HECTD4: variants seen among roughly 807,000 people sequenced by gnomAD.
HECTD4 encodes the protein probable E3 ubiquitin-protein ligase HECTD4.
HECTD4 carries 114 observed loss-of-function variants against 471.5 expected under a neutral mutation model. That is an observed-to-expected ratio of 0.24 (90% confidence interval 0.21 to 0.28). The LOEUF is 0.28. Ranked by LOEUF, HECTD4 falls within the 10% of genes least tolerant of loss-of-function variation. HECTD4 has a pLI of 1.00. For missense variants in HECTD4, 3,866 were observed against 5,651.5 expected (o/e 0.68, Z 10.13); for synonymous variants, 2,012 against 2,256.0 (o/e 0.89, Z 3.07).
At chr12:112,170,630 AT>A (rs1484065024) in intron 68 of HECTD4, 178 bp from the exon 69 acceptor site, 1 of 684,990 alleles carries the variant, frequency 1.5e-6, no homozygotes, top group African/African-American at 1.8e-5. Flanking sequence ...ACCCTTTGTC[AT>A]TCCCAGGAGA....
At chr12:112,354,449 T>A (rs576168271) in intron 1 of HECTD4, among the ~76,000 whole-genome samples, 1 of 152,292 alleles carries the variant, frequency 6.6e-6, no homozygotes, top group South Asian at 2.1e-4. Flanking sequence ...TTATTCATAA[T>A]GCTTCTATTA....
chr12:112,334,532 C>A (rs905262951), intron 1 of HECTD4, among the ~76,000 whole-genome samples: 13 of 151,228 alleles, frequency 8.6e-5, no homozygotes, highest in Non-Finnish European at 1.8e-4. Flanking sequence ...CGGTGGCTCA[C>A]GCCTGTAATC....
intron 52 of HECTD4, among the ~76,000 whole-genome samples, chr12:112,205,605 T>G (rs183398950): frequency 6.6e-6 from 1 of 152,084 alleles, no homozygotes; most frequent in Non-Finnish European, 1.5e-5. Flanking sequence ...TTTTCTTTTT[T>G]TTTTGAGACA....
Position 112,207,927 on chromosome 12 carries a change from T to C in HECTD4, c.8078A>G (p.Asn2693Ser). The change falls in exon 52 of 76, where the codon AAT becomes AGT. Residue 2693 changes from asparagine to serine, a missense_variant. By Grantham distance (46) the Asn-to-Ser change is conservative. This residue lies in a region of HECTD4 where 266 missense variants were observed against 441.6 expected (regional missense o/e 0.60). Transcript: ENST00000682272. Reference protein sequence around the residue: ...VFPTIRRRFRNEAERKSGLDQ... With the variant: ...VFPTIRRRFRSEAERKSGLDQ... ...CAGGCCCGATTTCCGCTCTGCTTCA[T>C]TGCGGAAGCGTCTTCGGATGGTAGG... 2 of 1,613,966 alleles carry C rather than the reference T, an allele frequency of 1.2e-6. No individual in the cohort carries two copies. The highest frequency in any genetic ancestry group is 1.1e-5 in the South Asian group (1 of 91,068).
At chr12:112,183,452 T>C (rs555281205) in intron 61 of HECTD4, among the ~76,000 whole-genome samples, 186 bp from the exon 62 acceptor site, 83 of 152,314 alleles carry the variant, frequency 5.4e-4, no homozygotes, top group Non-Finnish European at 1.0e-3. Context: ...CAGTGACTTT[T>C]AGCAAATGAC....
At chr12:112,226,863 C>T (rs961107331) in intron 43 of HECTD4, 105 bp from the exon 44 acceptor site, 3 of 757,058 alleles carry the variant, frequency 4.0e-6, no homozygotes, top group Non-Finnish European at 6.4e-6. Flanking sequence ...CAGTTTACAA[C>T]AAGGTTCAAA....
At chr12:112,224,801 A>T (rs1047056774) in intron 44 of HECTD4, among the ~76,000 whole-genome samples, 1 of 152,224 alleles carries the variant, frequency 6.6e-6, no homozygotes, top group African/African-American at 2.4e-5. Flanking sequence ...TTAAGTATCA[A>T]TGTAAATTTC....
At position 112,193,067 on chromosome 12, in the gene HECTD4, C is replaced by A. The variant is rs1041326557; in HGVS notation, c.9080G>T (p.Arg3027Leu). ...TTGAGAACAGGCAACTTACTCTTTGCGGAATCCAGATTGACTTTCTTTACA... is the reference window on the plus strand; with the variant it reads ...TTGAGAACAGGCAACTTACTCTTTGAGGAATCCAGATTGACTTTCTTTACA... Reference protein sequence around the residue: ...VSCKESQSGFRKDSSLYKAPW... With the variant: ...VSCKESQSGFLKDSSLYKAPW... Residue 3027 changes from arginine (R) to leucine (L), a missense_variant, in exon 58 of 76, where the codon CGC becomes CTC. Arg to Leu is a moderately radical substitution (Grantham distance 102, BLOSUM62 -2). Coordinates refer to ENST00000682272, the MANE Select transcript of HECTD4 (RefSeq NM_001388303.1). This position sits in a 1 kb window ranked among gnomAD's most constrained non-coding sequence, Gnocchi z 5.2. The A allele has an allele frequency of 1.9e-6, 3 of 1,613,990 alleles. No homozygotes were observed.
intron 4 of HECTD4, among the ~76,000 whole-genome samples, chr12:112,311,595 G>A (rs1430477203): frequency 6.7e-6 from 1 of 148,510 alleles, no homozygotes; most frequent in African/African-American, 2.5e-5. Context: ...ACTCCAACTT[G>A]GGCAACAGAG....
chr12:112,318,107 T>A (rs1228455453), intron 2 of HECTD4, among the ~76,000 whole-genome samples: 1 of 151,658 alleles, frequency 6.6e-6, no homozygotes, highest in East Asian at 1.9e-4. Context: ...AAACCCCATC[T>A]CTACTAAAAA....
chr12:112,340,778 A>G (rs1053947459), intron 1 of HECTD4, among the ~76,000 whole-genome samples: 4 of 152,178 alleles, frequency 2.6e-5, no homozygotes, highest in African/African-American at 9.7e-5. Flanking sequence ...AAATTTATCA[A>G]TCCTCAGAAT....
intron 7 of HECTD4, among the ~76,000 whole-genome samples, chr12:112,297,222 A>G (rs1252085300): frequency 1.5e-5 from 2 of 135,338 alleles, no homozygotes; most frequent in Non-Finnish European, 3.1e-5. Flanking sequence ...GATGCAGTGG[A>G]TGTAGGTGCA....
chr12:112,227,873 A>C (rs1426768451), intron 43 of HECTD4, among the ~76,000 whole-genome samples: 2 of 152,204 alleles, frequency 1.3e-5, no homozygotes, highest in African/African-American at 4.8e-5. Flanking sequence ...TTTATTTTGA[A>C]GTGTAGACAT....
At chr12:112,262,577 G>GA (rs1278593940) in intron 17 of HECTD4, among the ~76,000 whole-genome samples, 1 of 97,664 alleles carries the variant, frequency 1.0e-5, no homozygotes, top group South Asian at 3.7e-4. Context: ...CCTTCAAATA[G>GA]AAAAAACTTT....
chr12:112,353,400 T>C (rs1346608440), intron 1 of HECTD4, among the ~76,000 whole-genome samples: 2 of 152,248 alleles, frequency 1.3e-5, no homozygotes, highest in African/African-American at 4.8e-5. Flanking sequence ...GTACAGACTA[T>C]TTTGTTTTTG....
intron 39 of HECTD4, chr12:112,231,177 T>C (rs1593956226): frequency 1.1e-5 from 5 of 436,114 alleles, no homozygotes; most frequent in Non-Finnish European, 1.7e-5. Context: ...AGAAAGAAGT[T>C]TGTGTTCAGT....
At chr12:112,209,930 G>A (rs1362418417) in intron 50 of HECTD4, 85 bp downstream of exon 50, 2 of 1,110,754 alleles carry the variant, frequency 1.8e-6, no homozygotes, top group Admixed American at 2.0e-5. Flanking sequence ...TAATGAGGAT[G>A]CTCAAGTGCA....
intron 1 of HECTD4, among the ~76,000 whole-genome samples, chr12:112,367,458 C>A (rs2036586019): frequency 6.6e-6 from 1 of 152,096 alleles, no homozygotes; most frequent in Non-Finnish European, 1.5e-5. Flanking sequence ...GGATCCCATG[C>A]ATCTCTGAAT....
At chr12:112,282,315 G>A (rs1397235806) in intron 8 of HECTD4, among the ~76,000 whole-genome samples, 3 of 151,960 alleles carry the variant, frequency 2.0e-5, no homozygotes, top group African/African-American at 7.3e-5. Flanking sequence ...CCTGGGAGGC[G>A]GAGCTTGCAG....
Sources: allele counts gnomAD v4.1 joint callset (sites outside exome capture counted in the v4.1 genomes callset), GRCh38; gene constraint gnomAD v4.1.1; regional missense constraint gnomAD v4.1.1; non-coding constraint Gnocchi (gnomAD v3.1); transcripts MANE v1.5; gene names NCBI Gene and HGNC (gene_info 2026-07-23, HGNC 2026-07-21).